The following ABCC4 variants were observed in gnomAD, a reference collection of about 807,000 sequenced individuals.
ABCC4 encodes ATP-binding cassette sub-family C member 4.
A neutral mutation model predicts 168.5 loss-of-function variants in ABCC4; 102 were observed. The ratio of observed to expected loss-of-function variants is 0.61; its 90% CI spans 0.52 to 0.71. ABCC4 has a LOEUF of 0.71. Ranked by LOEUF, ABCC4 falls within the 30% of genes least tolerant of loss-of-function variation. The pLI is 0.00. For missense variants in ABCC4, 1,402 were observed against 1,605.8 expected (o/e 0.87, Z 2.17); for synonymous variants, 617 against 590.7 (o/e 1.04, Z -0.65).
At chr13:95,120,549 G>A (rs774666851) in intron 19 of ABCC4, among the ~76,000 whole-genome samples, 10 of 132,950 alleles carry the variant, frequency 7.5e-5, no homozygotes, top group Non-Finnish European at 1.4e-4. Context: ...CAGGCTGGGC[G>A]ACAGAACGAG....
intron 19 of ABCC4, among the ~76,000 whole-genome samples, chr13:95,121,663 C>A (rs1019657187): frequency 3.3e-5 from 5 of 152,022 alleles, no homozygotes; most frequent in African/African-American, 1.2e-4. Context: ...CTCACCTCTG[C>A]CTCCCAAAGT....
In ABCC4 at chr13:95,301,288, C is replaced by A; in HGVS notation, c.27G>T (p.Lys9Asn). ...GGTTCGCGTCCTGCAGCGGGTTGGGCTTCACCTCCTGGTACACGGGCAGCA... is the reference window on the plus strand; with the variant it reads ...GGTTCGCGTCCTGCAGCGGGTTGGGATTCACCTCCTGGTACACGGGCAGCA... MLPVYQEV[K>N]PNPLQDANLC... The change falls in exon 1 of 31, where the codon AAG becomes AAT. Residue 9 changes from lysine to asparagine, a missense_variant. Around this residue, in one of 3 missense-constraint regions of ABCC4, gnomAD observed 317 missense variants for 345.5 expected, o/e 0.92. Coordinates refer to ENST00000645237, the MANE Select transcript of ABCC4 (RefSeq NM_005845.5). 2 of 1,595,642 alleles carry A rather than the reference C, an allele frequency of 1.3e-6. No individual in the cohort carries two copies. The highest frequency in any genetic ancestry group is 1.7e-6 in the Non-Finnish European group (2 of 1,171,770).
At position 95,244,643 on chromosome 13, in the gene ABCC4, AAGAAAGAAAGAAAGAAAGAAAG is replaced by A. The variant is rs1566563619; in HGVS notation, c.306+2310_306+2331del. Among the ~76,000 whole-genome samples the A allele has an allele frequency of 5.0e-4, 44 of 87,294 alleles. 3 individuals carry two copies. Among genetic ancestry groups the A allele is most frequent in the South Asian group, 1.1e-3 (3 of 2,746 alleles). The allele number at this position is 87,294 out of a possible 152,430, so 57.3% of individuals were successfully genotyped here. On this transcript the variant is annotated intron_variant, in intron 3 of 30. Transcript: ENST00000645237. ...AAAGAAAGAAAGAAAGAAAGAAAGAAAGAAAGAAAGAAAGAAAGAAAGAAAGAAATCATAGCAGTTCCTGGTA... is the reference window on the plus strand; with the variant it reads ...AAAGAAAGAAAGAAAGAAAGAAAGAAAAAGAAATCATAGCAGTTCCTGGTA...
intron 13 of ABCC4, among the ~76,000 whole-genome samples, chr13:95,171,369 T>C (rs1036063110): frequency 6.2e-5 from 9 of 145,346 alleles, no homozygotes; most frequent in African/African-American, 2.3e-4. Context: ...TTCTCCTACA[T>C]TGTAAACGTA....
chr13:95,067,293 G>A (rs898732869), intron 25 of ABCC4, among the ~76,000 whole-genome samples: 2 of 152,150 alleles, frequency 1.3e-5, no homozygotes, highest in Non-Finnish European at 2.9e-5. Flanking sequence ...GAATTAAATT[G>A]TAATGTAAAT....
chr13:95,110,083 C>T (rs1429402044), intron 20 of ABCC4, among the ~76,000 whole-genome samples: 1 of 152,070 alleles, frequency 6.6e-6, no homozygotes, highest in Non-Finnish European at 1.5e-5. Flanking sequence ...CCGAGACGGG[C>T]AGATCACTTG....
chr13:95,234,930 A>C lies in ABCC4; in HGVS notation c.307-96T>G, dbSNP rs1278275389. On this transcript the variant is annotated intron_variant, in intron 3 of 30. Coordinates refer to ENST00000645237, the MANE Select transcript of ABCC4 (RefSeq NM_005845.5). ...TTTTTCAGATATTGCTTGCTCTGTCACCCATGCTGGAGTATAGTGGCACAA... is the reference window on the plus strand; with the variant it reads ...TTTTTCAGATATTGCTTGCTCTGTCCCCCATGCTGGAGTATAGTGGCACAA... 4.4e-6 allele frequency: 4 copies of C among 907,286 alleles called. No homozygotes were observed. The East Asian group carries it at 1.1e-4, about 24-fold the overall frequency. The allele number at this position is 907,286 out of a possible 1,614,324, so 56.2% of individuals were successfully genotyped here.
At chr13:95,036,759 G>C (rs1350556619) in intron 29 of ABCC4, among the ~76,000 whole-genome samples, 1 of 151,768 alleles carries the variant, frequency 6.6e-6, no homozygotes, top group South Asian at 2.1e-4. Flanking sequence ...AAATAAAACC[G>C]ACCTCTTTAA....
rs2032040105 is a variant in ABCC4 at position 95,034,625 on chromosome 13, G to A, written c.3850C>T (p.Leu1284Phe). 1 of 1,613,926 alleles carries A rather than the reference G, an allele frequency of 6.2e-7. No individual in the cohort carries two copies. The highest frequency in any genetic ancestry group is 1.7e-5 in the Admixed American group (1 of 59,932). The part of the protein sequence containing the change: ...QQLGKAEAAA[L>F]TETAKQVYFK... ...CTCACCTGTTTTGCTGTTTCAGTGA[G>A]GGCAGCGGCTTCTGCCTTGCCCAGT... The change falls in exon 30 of 31, where the codon CTC becomes TTC. Residue 1284 changes from leucine (L) to phenylalanine (F), a missense_variant. Leu to Phe is a conservative substitution (Grantham distance 22). Around this residue, in one of 3 missense-constraint regions of ABCC4, gnomAD observed 1,007 missense variants for 1,127.3 expected, o/e 0.89. Coordinates refer to ENST00000645237, the MANE Select transcript of ABCC4 (RefSeq NM_005845.5).
intron 8 of ABCC4, among the ~76,000 whole-genome samples, chr13:95,200,162 C>T (rs546653628): frequency 6.6e-6 from 1 of 152,326 alleles, no homozygotes; most frequent in South Asian, 2.1e-4. Context: ...AAGCATTTAT[C>T]ACAGTGCCAG....
At chr13:95,146,941 G>T (rs2036519148) in intron 19 of ABCC4, among the ~76,000 whole-genome samples, 1 of 152,140 alleles carries the variant, frequency 6.6e-6, no homozygotes, top group South Asian at 2.1e-4. Context: ...ACATTCAAGG[G>T]TGGGGCAAAA....
intron 26 of ABCC4, among the ~76,000 whole-genome samples, chr13:95,054,741 T>G (rs1008197736): frequency 6.6e-6 from 1 of 152,130 alleles, no homozygotes; most frequent in Non-Finnish European, 1.5e-5. Flanking sequence ...AGGGAACCAC[T>G]GGCCTCAAAT....
intron 1 of ABCC4, among the ~76,000 whole-genome samples, chr13:95,253,944 G>A (rs1438773400): frequency 6.6e-6 from 1 of 152,076 alleles, no homozygotes; most frequent in Non-Finnish European, 1.5e-5. Flanking sequence ...CCAGGCTGGA[G>A]TGCAGTGGCG....
At chr13:95,248,228 C>A (rs2040161637) in intron 1 of ABCC4, among the ~76,000 whole-genome samples, 1 of 152,150 alleles carries the variant, frequency 6.6e-6, no homozygotes, top group Non-Finnish European at 1.5e-5. Context: ...CCAAATAAAT[C>A]ATGACAGCAA....
chr13:95,215,374 C>T (rs997383863), intron 4 of ABCC4, among the ~76,000 whole-genome samples: 3 of 151,830 alleles, frequency 2.0e-5, no homozygotes, highest in African/African-American at 7.3e-5. Flanking sequence ...CCACTCCAGC[C>T]GGGGTGACAA....
chr13:95,154,082 A>G (rs1281040911), intron 19 of ABCC4, among the ~76,000 whole-genome samples: 22 of 152,218 alleles, frequency 1.4e-4, no homozygotes, highest in Non-Finnish European at 7.3e-5. Context: ...CTGAAAAAAC[A>G]ATATTTATGT....
intron 4 of ABCC4, among the ~76,000 whole-genome samples, chr13:95,218,989 G>GAAAAAAA (rs1275043272): frequency 1.6e-5 from 1 of 63,742 alleles, no homozygotes; most frequent in African/African-American, 5.4e-5. Flanking sequence ...AAGAAAGAGT[G>GAAAAAAA]AGAAAGAAAG....
chr13:95,222,176 T>A (rs2039327393), intron 4 of ABCC4, among the ~76,000 whole-genome samples: 1 of 152,060 alleles, frequency 6.6e-6, no homozygotes. Context: ...AACCACACCC[T>A]ATACTGTACA....
At chr13:95,121,701 G>A (rs9524810) in intron 19 of ABCC4, among the ~76,000 whole-genome samples, 2,233 of 152,088 alleles carry the variant, frequency 0.015, 30 homozygotes, top group South Asian at 0.032. Flanking sequence ...GAGTCACAGC[G>A]CCCAGCCTCA....
Sources: gnomAD v4.1 joint callset for allele counts (sites outside exome capture counted in the v4.1 genomes callset) on GRCh38, gnomAD v4.1.1 for gene constraint, gnomAD v4.1.1 regional missense constraint, MANE v1.5 for transcripts, NCBI Gene and HGNC (gene_info 2026-07-23, HGNC 2026-07-21) for gene names.